Variants in UBR4 observed in about 807,000 individuals in gnomAD.
UBR4 encodes E3 ubiquitin-protein ligase UBR4.
In UBR4, 124 loss-of-function variants were observed where a neutral mutation model predicts 575.6. The observed-to-expected ratio is 0.22, with a 90% confidence interval of 0.19 to 0.25. The LOEUF (loss-of-function observed/expected upper bound fraction) is 0.25, where lower values mean the gene tolerates loss of function less well. Ranked by LOEUF, UBR4 falls within the 10% of genes least tolerant of loss-of-function variation. The probability of loss-of-function intolerance (pLI) is 1.00; values close to 1 mark genes in which losing one functional copy is unlikely to be tolerated. For missense variants in UBR4, 4,818 were observed against 6,478.8 expected, an observed-to-expected ratio of 0.74 and a Z score of 8.80; for synonymous variants, 2,455 against 2,473.7, an observed-to-expected ratio of 0.99 and a Z score of 0.22.
Position 19,088,714 on chromosome 1 carries a change from C to A in UBR4, c.14430+45G>T. ...GGCTGTCCCATGGCCACCTCCTCAT[C>A]AACAGTGTGGGCAGAAATATGGGGA... On this transcript the variant is annotated intron_variant, in intron 98 of 105. Coordinates refer to ENST00000375254, the MANE Select transcript of UBR4 (RefSeq NM_020765.3). This position sits in a 1 kb window ranked among gnomAD's most constrained non-coding sequence, Gnocchi z 4.0. 1 of 1,603,138 alleles carries A rather than the reference C, an allele frequency of 6.2e-7. No individual in the cohort carries two copies. Among genetic ancestry groups the A allele is most frequent in the South Asian group, 1.1e-5 (1 of 90,676 alleles).
intron 74 of UBR4, among the ~76,000 whole-genome samples, 191 bp downstream of exon 74, chr1:19,115,193 GCACATGCACACACA>G (rs1338778398): frequency 2.7e-5 from 2 of 73,676 alleles, no homozygotes; most frequent in Non-Finnish European, 5.4e-5. Context: ...ACACTCGTGT[GCACATGCACACACA>G]CACACACACA....
In UBR4 at chr1:19,151,715, G is replaced by A. The variant is rs61996306; in HGVS notation, c.7141C>T (p.Arg2381Cys). The change falls in exon 48 of 106, where the codon CGC becomes TGC. Residue 2381 changes from arginine (R) to cysteine (C), a missense_variant. Arg to Cys is a radical substitution (Grantham distance 180). Transcript: ENST00000375254. ...AAGGGGAAGTCAAACCAGCGTGAGCGACTCAGGTTGAGCTGCATAGTTCTG... is the reference window on the plus strand; with the variant it reads ...AAGGGGAAGTCAAACCAGCGTGAGCAACTCAGGTTGAGCTGCATAGTTCTG... ...FGRTMQLNLS[R>C]SRWFDFPFTR... 19 of 1,614,080 alleles carry A rather than the reference G, an allele frequency of 1.2e-5. No homozygotes were observed. The highest frequency in any genetic ancestry group is 2.2e-5 in the East Asian group (1 of 44,896).
intron 60 of UBR4, among the ~76,000 whole-genome samples, chr1:19,132,605 T>TAAAAAAAAAAAAAAAAAAAAGAAAAAAAA (rs2082663273): frequency 8.3e-5 from 2 of 24,134 alleles, no homozygotes; most frequent in Non-Finnish European, 7.6e-5. Flanking sequence ...TAAAAAATGG[T>TAAAAAAAAAAAAAAAAAAAAGAAAAAAAA]AAAAAAAAAA....
intron 17 of UBR4, among the ~76,000 whole-genome samples, chr1:19,183,449 C>T (rs1348196247): frequency 2.0e-5 from 3 of 152,164 alleles, no homozygotes; most frequent in African/African-American, 7.2e-5. Flanking sequence ...AGGCCGGGCG[C>T]GGTGGCTCAC....
At chr1:19,168,828 A>C (rs990422635) in intron 27 of UBR4, among the ~76,000 whole-genome samples, 1 of 152,116 alleles carries the variant, frequency 6.6e-6, no homozygotes, top group Non-Finnish European at 1.5e-5. Context: ...ATACAAAAAA[A>C]TTAGCTGGGC....
intron 19 of UBR4, among the ~76,000 whole-genome samples, chr1:19,176,951 A>G (rs2090329665): frequency 6.6e-6 from 1 of 152,248 alleles, no homozygotes; most frequent in Non-Finnish European, 1.5e-5. Context: ...ATAAAAATTT[A>G]AAGATTTTTC....
rs906347297 is a variant in UBR4 at position 19,122,779 on chromosome 1, G to A, written c.9816+54C>T. On this transcript the variant is annotated intron_variant, in intron 66 of 105. Coordinates refer to ENST00000375254, the MANE Select transcript of UBR4 (RefSeq NM_020765.3). The stretch of plus-strand genomic sequence containing the variant: ...TACCTCCAGCCCTATTACCTACTTG[G>A]CTAAGCCTTATCACATCCCCCCTCC... 5.0e-6 allele frequency: 8 copies of A among 1,597,124 alleles called. No individual in the cohort carries two copies. In the African/African-American group the frequency reaches 8.0e-5, roughly 16 times the overall value.
intron 90 of UBR4, among the ~76,000 whole-genome samples, chr1:19,098,093 G>A (rs371503422): frequency 1.3e-5 from 2 of 152,202 alleles, no homozygotes; most frequent in African/African-American, 4.8e-5. Flanking sequence ...TTGGTAGCAC[G>A]CTAATTCAAG....
intron 57 of UBR4, 78 bp downstream of exon 57, chr1:19,141,269 C>A: frequency 6.3e-7 from 1 of 1,597,538 alleles, no homozygotes; most frequent in Non-Finnish European, 8.5e-7. Flanking sequence ...ACTAAGTCAG[C>A]TGGATATCAG....
chr1:19,123,879 CT>C lies in UBR4; in HGVS notation c.9588+661del, dbSNP rs1230943839. Among the ~76,000 whole-genome samples the C allele has an allele frequency of 2.0e-5, 3 of 152,346 alleles. No homozygotes were observed. The South Asian group carries it at 6.2e-4, about 32-fold the overall frequency. On this transcript the variant is annotated intron_variant, in intron 65 of 105. Transcript: ENST00000375254. ...TCTCTCAGTTCCCAACCCACCCCTA[CT>C]GACACTGCCCAGTGATGCTGAGGCC...
At chr1:19,143,234 GGC>G (rs1215694410) in intron 55 of UBR4, among the ~76,000 whole-genome samples, 1 of 93,320 alleles carries the variant, frequency 1.1e-5, no homozygotes, top group Non-Finnish European at 2.3e-5. Context: ...AAGGAAGGAA[GGC>G]AGGAAGGAAG....
intron 64 of UBR4, among the ~76,000 whole-genome samples, 158 bp from the exon 65 acceptor site, chr1:19,124,848 C>T (rs562781095): frequency 6.6e-6 from 1 of 152,208 alleles, no homozygotes; most frequent in East Asian, 1.9e-4. Context: ...ATTCTATAAA[C>T]CCAGAAGGCC....
chr1:19,189,986 T>C (rs1221860337), intron 11 of UBR4, among the ~76,000 whole-genome samples: 1 of 152,068 alleles, frequency 6.6e-6, no homozygotes, highest in Non-Finnish European at 1.5e-5. Context: ...TCTAATACTC[T>C]CTAGATACAA....
intron 42 of UBR4, 45 bp from the exon 43 acceptor site, chr1:19,155,713 C>G (rs545607050): frequency 4.6e-6 from 7 of 1,520,024 alleles, no homozygotes; most frequent in African/African-American, 1.4e-5. Context: ...CTATCTCAGT[C>G]CCATCCCCCA....
intron 1 of UBR4, among the ~76,000 whole-genome samples, chr1:19,208,222 C>T (rs905734305): frequency 2.0e-5 from 3 of 152,128 alleles, no homozygotes; most frequent in African/African-American, 7.2e-5. Context: ...AATTCCAGCA[C>T]TTTGGGAGGC....
At chr1:19,187,129 T>G in intron 13 of UBR4, 35 bp downstream of exon 13, 1 of 1,536,046 alleles carries the variant, frequency 6.5e-7, no homozygotes, top group Non-Finnish European at 8.8e-7. Flanking sequence ...AATGAGACAT[T>G]CTTCTAAATT....
Position 19,106,746 on chromosome 1 carries a change from A to G in UBR4, c.12236-20T>C. On this transcript the variant is annotated intron_variant, in intron 82 of 105. Transcript: ENST00000375254. ...CTATCCCTGCAAGGCCAAGGGTTGC[A>G]GGGGTAGTAGGTAAGTAAATGAGAG... 6.3e-7 allele frequency: 1 copy of G among 1,595,784 alleles called. No homozygotes were observed. Among genetic ancestry groups the G allele is most frequent in the East Asian group, 2.2e-5 (1 of 44,572 alleles).
At position 19,104,064 on chromosome 1, in the gene UBR4, A is replaced by ACAGTGCCTTAGGCTCCT; in HGVS notation, c.12901+19_12901+20insAGGAGCCTAAGGCACTG. On this transcript the variant is annotated intron_variant, in intron 87 of 105. Transcript: ENST00000375254. The stretch of plus-strand genomic sequence containing the variant: ...CAGAAGGGACAGTGCCTTAGGCTCC[A>ACAGTGCCTTAGGCTCCT]GGCCACTGGGCAGTGCTACCTGTGG... The ACAGTGCCTTAGGCTCCT allele has an allele frequency of 1.2e-6, 2 of 1,612,956 alleles. No individual in the cohort carries two copies. The highest frequency in any genetic ancestry group is 1.7e-6 in the Non-Finnish European group (2 of 1,179,336).
chr1:19,146,986 C>A lies in UBR4; in HGVS notation c.7644G>T (p.Leu2548=). 6.2e-7 allele frequency: 1 copy of A among 1,606,446 alleles called. No homozygotes were observed. The highest frequency in any genetic ancestry group is 8.5e-7 in the Non-Finnish European group (1 of 1,174,848). ...AYHSHKDQAL[L]SKAVQCLNTS... ...TGTTGAGACACTGCACAGCTTTGCTCAGCAAGGCCTGATCCTGTAAAACAA... is the reference window on the plus strand; with the variant it reads ...TGTTGAGACACTGCACAGCTTTGCTAAGCAAGGCCTGATCCTGTAAAACAA... Residue 2548 remains leucine, a synonymous_variant, in exon 52 of 106, where the codon CTG becomes CTT. Coordinates refer to ENST00000375254, the MANE Select transcript of UBR4 (RefSeq NM_020765.3).
Sources: allele counts gnomAD v4.1 joint callset (sites outside exome capture counted in the v4.1 genomes callset), GRCh38; gene constraint gnomAD v4.1.1; non-coding constraint Gnocchi (gnomAD v3.1); transcripts MANE v1.5; gene names NCBI Gene and HGNC (gene_info 2026-07-23, HGNC 2026-07-21).